Variants in XAGE5 observed in about 807,000 individuals in gnomAD.
XAGE5 encodes G antigen, family D, 5.
XAGE5 carries 13 observed loss-of-function variants against 13.1 expected under a neutral mutation model. That is an observed-to-expected ratio of 0.99 (90% CI 0.64 to 1.57). The LOEUF (loss-of-function observed/expected upper bound fraction) is 1.57. Ranked by LOEUF, XAGE5 falls within the 40% of genes most tolerant of loss-of-function variation. The pLI is 0.00. For missense variants in XAGE5, 86 were observed against 77.6 expected (o/e 1.11, Z -0.41); for synonymous variants, 17 against 25.0 (o/e 0.68, Z 0.96).
In XAGE5 at chrX:52,813,200, C is replaced by G. The variant is rs782527306; in HGVS notation, c.133C>G (p.Pro45Ala). The change falls in exon 4 of 6, where the codon CCT becomes GCT. Residue 45 changes from proline to alanine, a missense_variant. Transcript: ENST00000375501. ...EPPTESQDHT[P>A]GQKREDDQGA... ...ACCAACTGAAAGTCAGGATCATACA[C>G]CTGGTCAGAAGAGAGAAGATGATCA... 7.4e-6 allele frequency: 9 copies of G among 1,210,873 alleles called. No individual in the cohort carries two copies. In the Middle Eastern group the frequency reaches 1.6e-3, roughly 217 times the overall value.
At position 52,818,220 on chromosome X, in the gene XAGE5, A is replaced by G. The variant is rs781920574; in HGVS notation, c.*7A>G. ...AGGGAAACCACAGCTTTAAACGAAGACAACCAAAAGAATGCAAACTGGATT... is the reference window on the plus strand; with the variant it reads ...AGGGAAACCACAGCTTTAAACGAAGGCAACCAAAAGAATGCAAACTGGATT... On this transcript the variant is annotated 3_prime_UTR_variant, in exon 6 of 6. Transcript: ENST00000375501. 44 of 1,210,221 alleles carry G rather than the reference A, an allele frequency of 3.6e-5. No individual in the cohort carries two copies. Among genetic ancestry groups the G allele is most frequent in the Non-Finnish European group, 4.8e-5 (43 of 894,932 alleles).
At chrX:52,817,152 A>G (rs1926919638) in intron 5 of XAGE5, among the ~76,000 whole-genome samples, 1 of 111,944 alleles carries the variant, frequency 8.9e-6, no homozygotes, top group Non-Finnish European at 1.9e-5. Flanking sequence ...ATTCTTAAAC[A>G]CTAATATTTT....
At position 52,813,203 on chromosome X, in the gene XAGE5, G is replaced by A; in HGVS notation, c.136G>A (p.Gly46Ser). ...AACTGAAAGTCAGGATCATACACCT[G>A]GTCAGAAGAGAGAAGATGATCAGGG... ...PPTESQDHTPGQKREDDQGAA... is the reference protein window; with the variant it reads ...PPTESQDHTPSQKREDDQGAA... The change falls in exon 4 of 6, where the codon GGT becomes AGT. Residue 46 changes from glycine to serine, a missense_variant. Physicochemically the swap from Gly to Ser is moderately conservative, Grantham distance 56. Transcript: ENST00000375501. 1 of 1,210,647 alleles carries A rather than the reference G, an allele frequency of 8.3e-7. No homozygotes were observed. The highest frequency in any genetic ancestry group is 1.1e-6 in the Non-Finnish European group (1 of 895,029).
chrX:52,815,318 A>G (rs1926886390), intron 5 of XAGE5, 101 bp downstream of exon 5: 1 of 982,953 alleles, frequency 1.0e-6, no homozygotes. Flanking sequence ...CTTTAGAAAT[A>G]GAGTTCAAAT....
chrX:52,813,681 C>G (rs1556777679), intron 4 of XAGE5, among the ~76,000 whole-genome samples: 5 of 111,397 alleles, frequency 4.5e-5, no homozygotes, highest in South Asian at 3.8e-4. Context: ...AGCCCATTTG[C>G]AAAGGGATGT....
At chrX:52,812,728 G>T in intron 3 of XAGE5, 90 bp downstream of exon 3, 1 of 813,634 alleles carries the variant, frequency 1.2e-6, no homozygotes, top group Non-Finnish European at 1.8e-6. Context: ...CACTGATAAA[G>T]GTCTCCCATG....
In XAGE5 at chrX:52,812,539, G is replaced by A. The variant is rs1199068480; in HGVS notation, c.-8-20G>A. 1.0e-5 allele frequency: 12 copies of A among 1,201,820 alleles called. No homozygotes were observed. Among genetic ancestry groups the A allele is most frequent in the African/African-American group, 3.5e-5 (2 of 57,609 alleles). ...TCCATCCCCCTCAGCCTCCCAAAGT[G>A]CACACTATTCTGTTTGCAGACTGAA... On this transcript the variant is annotated intron_variant, in intron 2 of 5. Coordinates refer to ENST00000375501, the MANE Select transcript of XAGE5 (RefSeq NM_001386970.1).
At chrX:52,814,938 TTAAGA>T (rs1926875963) in intron 4 of XAGE5, 149 bp from the exon 5 acceptor site, 2 of 589,038 alleles carry the variant, frequency 3.4e-6, no homozygotes, top group Non-Finnish European at 5.2e-6. Context: ...AGATTGTCAT[TTAAGA>T]TAAGATATCA....
At position 52,812,636 on chromosome X, in the gene XAGE5, C is replaced by T. The variant is rs1402478658; in HGVS notation, c.70C>T (p.Leu24Phe). The change falls in exon 3 of 6, where the codon CTT becomes TTT. Residue 24 changes from leucine (L) to phenylalanine (F), a missense_variant and splice_region_variant. Coordinates refer to ENST00000375501, the MANE Select transcript of XAGE5 (RefSeq NM_001386970.1). The stretch of plus-strand genomic sequence containing the variant: ...ACTTGCTCAGCTGGTTGGGCCTATG[C>T]TTGTGAGTGACTTCACATTCGATTT... ...LRLAQLVGPMLEPSVPEPQQE... is the reference protein window; with the variant it reads ...LRLAQLVGPMFEPSVPEPQQE... 2 of 1,209,945 alleles carry T rather than the reference C, an allele frequency of 1.7e-6. No homozygotes were observed. The highest frequency in any genetic ancestry group is 2.2e-6 in the Non-Finnish European group (2 of 894,750).
At chrX:52,813,779 G>T (rs1186623936) in intron 4 of XAGE5, among the ~76,000 whole-genome samples, 1 of 111,715 alleles carries the variant, frequency 9.0e-6, no homozygotes, top group African/African-American at 3.3e-5. Context: ...GAGGTGGGCG[G>T]ATCACTTGAG....
At chrX:52,817,527 G>A (rs1197593554) in intron 5 of XAGE5, among the ~76,000 whole-genome samples, 1 of 111,710 alleles carries the variant, frequency 9.0e-6, no homozygotes, top group Admixed American at 9.5e-5. Flanking sequence ...ATTGACATGA[G>A]GACTATAGGT....
intron 3 of XAGE5, 25 bp downstream of exon 3, chrX:52,812,663 T>C (rs1926822728): frequency 2.5e-6 from 3 of 1,199,136 alleles, no homozygotes; most frequent in Middle Eastern, 2.3e-4. Context: ...ATTCGATTTT[T>C]TTCTACTAGC....
chrX:52,813,005 G>A (rs1926829233), intron 3 of XAGE5, 135 bp from the exon 4 acceptor site: 1 of 533,216 alleles, frequency 1.9e-6, no homozygotes, highest in Non-Finnish European at 3.3e-6. Context: ...TTGGGATAGT[G>A]TAGGAGCATG....
rs888160361 is a variant in XAGE5 at position 52,811,649 on chromosome X, C to T, written c.-79C>T. ...GTTGGTGGTATTCCAGTCCCAGAAACGCCTGGAACTCCCAACAGAGGACAA... is the reference window on the plus strand; with the variant it reads ...GTTGGTGGTATTCCAGTCCCAGAAATGCCTGGAACTCCCAACAGAGGACAA... On this transcript the variant is annotated 5_prime_UTR_variant, in exon 2 of 6. The change creates a new upstream start codon in the 5' untranslated region. Coordinates refer to ENST00000375501, the MANE Select transcript of XAGE5 (RefSeq NM_001386970.1). 1.8e-5 allele frequency among the ~76,000 whole-genome samples: 2 copies of T among 110,363 alleles called. No individual in the cohort carries two copies. Among genetic ancestry groups the T allele is most frequent in the African/African-American group, 3.3e-5 (1 of 30,230 alleles).
Position 52,818,262 on chromosome X carries a change from C to T in XAGE5, c.*49C>T. ...AACTGGATTTATCCGAGATATTTGA[C>T]TTTTAAAAATCTCAATAAAGTTTTC... On this transcript the variant is annotated 3_prime_UTR_variant, in exon 6 of 6. Transcript: ENST00000375501. 1 of 1,192,446 alleles carries T rather than the reference C, an allele frequency of 8.4e-7. No homozygotes were observed. Among genetic ancestry groups the T allele is most frequent in the South Asian group, 1.8e-5 (1 of 55,329 alleles).
At chrX:52,811,476 C>T (rs915943089) in intron 1 of XAGE5, among the ~76,000 whole-genome samples, 64 bp downstream of exon 1, 1 of 111,370 alleles carries the variant, frequency 9.0e-6, no homozygotes, top group Non-Finnish European at 1.9e-5. Context: ...TTGGTGACTC[C>T]GAGTGAGAAG....
At position 52,815,971 on chromosome X, in the gene XAGE5, G is replaced by A. The variant is rs143109366; in HGVS notation, c.304+754G>A. Among the ~76,000 whole-genome samples the A allele has an allele frequency of 6.6e-3, 725 of 110,422 alleles. 4 individuals are homozygous for A. The highest frequency in any genetic ancestry group is 0.022 in the African/African-American group (680 of 30,366). ...TGTTTGTTTTTGTTTTGTTTTTTTC[G>A]GACGAGGTCTCGCTCTGCCGCCCAG... On this transcript the variant is annotated intron_variant, in intron 5 of 5. Transcript: ENST00000375501.
At chrX:52,812,522 C>T (rs1180125911) in intron 2 of XAGE5, 37 bp from the exon 3 acceptor site, 3 of 1,170,590 alleles carry the variant, frequency 2.6e-6, no homozygotes, top group Admixed American at 4.4e-5. Context: ...GATCCATCCC[C>T]CTCAGCCTCC....
rs781923451 is a variant in XAGE5, at chrX:52,812,992, G to A, written c.73-148G>A. Reference sequence around the variant, plus strand: ...TAATGAAGAATAAGTATGTGGAATCGTTTTGGGATAGTGTAGGAGCATGTC... The same window carrying A: ...TAATGAAGAATAAGTATGTGGAATCATTTTGGGATAGTGTAGGAGCATGTC... On this transcript the variant is annotated intron_variant, in intron 3 of 5. Transcript: ENST00000375501. The A allele has an allele frequency of 1.2e-4, 62 of 504,382 alleles. No individual in the cohort carries two copies. In the South Asian group the frequency reaches 1.6e-3, roughly 13 times the overall value. The allele number at this position is 504,382 out of a possible 1,213,427, so 41.6% of individuals were successfully genotyped here. A position where few individuals can be genotyped will look rare whatever the true frequency, so the allele number is the denominator to read the frequency against.
Sources: allele counts gnomAD v4.1 joint callset (sites outside exome capture counted in the v4.1 genomes callset), GRCh38; gene constraint gnomAD v4.1.1; transcripts MANE v1.5; gene names NCBI Gene and HGNC (gene_info 2026-07-23, HGNC 2026-07-21).